The following CPNE4 variants were observed in gnomAD, a reference collection of about 807,000 sequenced individuals.
CPNE4 encodes copine 4.
CPNE4 carries 25 observed loss-of-function variants against 67.9 expected under a neutral mutation model. The ratio of observed to expected loss-of-function variants is 0.37; its 90% CI spans 0.27 to 0.51. The LOEUF (loss-of-function observed/expected upper bound fraction) is 0.51. Among genes scored for constraint, CPNE4 ranks in the 20% least tolerant of loss-of-function variants. The pLI is 0.93. For missense variants in CPNE4, 464 were observed against 690.8 expected, an observed-to-expected ratio of 0.67 and a Z score of 3.68; for synonymous variants, 242 against 244.9, an observed-to-expected ratio of 0.99 and a Z score of 0.11.
At chr3:131,812,191 A>G (rs981048408) in intron 2 of CPNE4, among the ~76,000 whole-genome samples, 2 of 149,944 alleles carry the variant, frequency 1.3e-5, no homozygotes, top group African/African-American at 4.9e-5. Context: ...AGGAATAGAG[A>G]AGGTGGAAAT....
At chr3:131,615,974 C>T (rs1270746317) in intron 7 of CPNE4, among the ~76,000 whole-genome samples, 3 of 150,986 alleles carry the variant, frequency 2.0e-5, no homozygotes, top group South Asian at 2.1e-4. Context: ...CTACTCCACC[C>T]CCGCCACAGC....
chr3:131,718,607 C>T (rs1328503557), intron 3 of CPNE4, among the ~76,000 whole-genome samples: 2 of 152,188 alleles, frequency 1.3e-5, no homozygotes, highest in Non-Finnish European at 2.9e-5. Flanking sequence ...TCCAGAGACA[C>T]CTTTCCTGTG....
At chr3:131,985,359 C>T (rs754570270) in intron 1 of CPNE4, among the ~76,000 whole-genome samples, 1 of 152,222 alleles carries the variant, frequency 6.6e-6, no homozygotes, top group Non-Finnish European at 1.5e-5. Context: ...GTCTTGGAGT[C>T]TGCTCCTGGG....
chr3:131,970,361 A>T (rs183889252), intron 1 of CPNE4, among the ~76,000 whole-genome samples: 12 of 152,308 alleles, frequency 7.9e-5, no homozygotes, highest in Non-Finnish European at 1.5e-4. Flanking sequence ...TGTTACAGTG[A>T]TATAATCCAG....
chr3:131,574,607 G>A (rs1582826418), intron 10 of CPNE4, among the ~76,000 whole-genome samples: 1 of 152,080 alleles, frequency 6.6e-6, no homozygotes, highest in Admixed American at 6.6e-5. Context: ...CTAATGAACT[G>A]TTTGTATGGC....
intron 2 of CPNE4, among the ~76,000 whole-genome samples, chr3:131,887,780 A>G (rs73206040): frequency 0.075 from 11,494 of 152,260 alleles, 590 homozygotes; most frequent in East Asian, 0.17. Flanking sequence ...CCTCTTATCC[A>G]CATCCTTTAA....
At chr3:131,866,483 T>C (rs2086956714) in intron 2 of CPNE4, among the ~76,000 whole-genome samples, 1 of 152,294 alleles carries the variant, frequency 6.6e-6, no homozygotes, top group African/African-American at 2.4e-5. Flanking sequence ...GCCAAACTTT[T>C]TCAGGAATCC....
intron 7 of CPNE4, among the ~76,000 whole-genome samples, chr3:131,627,667 A>G (rs542080276): frequency 8.5e-5 from 13 of 152,360 alleles, no homozygotes; most frequent in African/African-American, 2.9e-4. Flanking sequence ...GGAGGAGGTC[A>G]AACTACAAGC....
chr3:131,855,597 A>G (rs1401043218), intron 2 of CPNE4, among the ~76,000 whole-genome samples: 2 of 151,966 alleles, frequency 1.3e-5, no homozygotes, highest in Admixed American at 6.6e-5. Context: ...CATCAGTTCC[A>G]TTGTCTGTCT....
intron 6 of CPNE4, among the ~76,000 whole-genome samples, chr3:131,682,748 AG>A (rs1208163135): frequency 6.6e-6 from 1 of 152,104 alleles, no homozygotes; most frequent in Non-Finnish European, 1.5e-5. Flanking sequence ...AGTCCCAGGC[AG>A]GTCCAGAAAT....
chr3:131,859,842 A>G (rs548072458), intron 2 of CPNE4, among the ~76,000 whole-genome samples: 1 of 152,302 alleles, frequency 6.6e-6, no homozygotes, highest in African/African-American at 2.4e-5. Context: ...TTCTGTAGGG[A>G]AAACATGCAA....
At chr3:132,023,082 A>G (rs2074031939) in intron 1 of CPNE4, among the ~76,000 whole-genome samples, 1 of 152,238 alleles carries the variant, frequency 6.6e-6, no homozygotes, top group Non-Finnish European at 1.5e-5. Context: ...TAAAATATCT[A>G]TAGAACATCT....
At position 131,929,911 on chromosome 3, in the gene CPNE4, T is replaced by C. The variant is rs973701269; in HGVS notation, c.-1-24467A>G. ...ACTTTTCATAGGAAGTACTATTCTA[T>C]TGTGTATCAATGGGCAATCACTTGA... On this transcript the variant is annotated intron_variant, in intron 1 of 15. Transcript: ENST00000429747. 2.6e-5 allele frequency among the ~76,000 whole-genome samples: 4 copies of C among 152,182 alleles called. No homozygotes were observed. In the East Asian group the frequency reaches 5.8e-4, roughly 22 times the overall value.
intron 2 of CPNE4, among the ~76,000 whole-genome samples, chr3:131,848,956 CAAAAAAAAAAAAAA>C (rs67407668): frequency 2.1e-4 from 17 of 79,636 alleles, no homozygotes; most frequent in Admixed American, 2.1e-3. Context: ...GTAGTGATTA[CAAAAAAAAAAAAAA>C]AAAAAAAAAA....
intron 2 of CPNE4, among the ~76,000 whole-genome samples, chr3:131,892,181 T>C (rs1213612053): frequency 6.6e-6 from 1 of 152,140 alleles, no homozygotes; most frequent in Non-Finnish European, 1.5e-5. Flanking sequence ...ATAGGAGAGA[T>C]TCTGAATCCT....
At chr3:131,813,495 T>C (rs1033111130) in intron 2 of CPNE4, among the ~76,000 whole-genome samples, 1 of 149,272 alleles carries the variant, frequency 6.7e-6, no homozygotes, top group African/African-American at 2.4e-5. Context: ...TTAAAATATA[T>C]ATTTAAAATA....
chr3:131,778,762 G>A (rs560354716), intron 2 of CPNE4, among the ~76,000 whole-genome samples: 5 of 152,080 alleles, frequency 3.3e-5, no homozygotes, highest in Admixed American at 6.6e-5. Context: ...GGATAGGCTC[G>A]CAGTTACAGA....
intron 2 of CPNE4, among the ~76,000 whole-genome samples, chr3:131,767,156 TTCTC>T (rs1327164036): frequency 6.6e-6 from 1 of 152,004 alleles, no homozygotes; most frequent in Non-Finnish European, 1.5e-5. Context: ...AAAAGTCTCT[TTCTC>T]TCTCTCTCTT....
chr3:131,665,381 A>C lies in CPNE4; in HGVS notation c.681+4294T>G, dbSNP rs1310478046. On this transcript the variant is annotated intron_variant, in intron 7 of 15. Transcript: ENST00000429747. The stretch of plus-strand genomic sequence containing the variant: ...CAAGTAGTATGATTATATATTTGGA[A>C]AAAAACATGCTGGGCACCTATAATC... 2.6e-5 allele frequency among the ~76,000 whole-genome samples: 4 copies of C among 152,072 alleles called. No homozygotes were observed. The East Asian group carries it at 5.8e-4, about 22-fold the overall frequency.
Sources: gnomAD v4.1 joint callset for allele counts (sites outside exome capture counted in the v4.1 genomes callset) on GRCh38, gnomAD v4.1.1 for gene constraint, MANE v1.5 for transcripts, NCBI Gene and HGNC (gene_info 2026-07-23, HGNC 2026-07-21) for gene names.